TAOK3: variants seen among roughly 807,000 people sequenced by gnomAD.
The protein encoded by TAOK3 is TAO kinase 3, also known as serine/threonine-protein kinase TAO3.
TAOK3 carries 40 observed loss-of-function variants against 120.4 expected under a neutral mutation model. The observed-to-expected ratio is 0.33, with a 90% CI of 0.26 to 0.43. The LOEUF (loss-of-function observed/expected upper bound fraction) is 0.43, where lower values mean the gene tolerates loss of function less well. Ranked by LOEUF, TAOK3 falls within the 20% of genes least tolerant of loss-of-function variation. The pLI, the probability that TAOK3 is intolerant of heterozygous loss-of-function variation, is 1.00. For synonymous variants in TAOK3, 355 were observed against 387.5 expected (o/e 0.92, Z 0.99); for missense variants, 821 against 1,112.1 (o/e 0.74, Z 3.72).
At chr12:118,305,642 C>T (rs1048726056) in intron 1 of TAOK3, among the ~76,000 whole-genome samples, 4 of 152,036 alleles carry the variant, frequency 2.6e-5, no homozygotes, top group Non-Finnish European at 4.4e-5. Flanking sequence ...TGGTGGCTCA[C>T]GCCTGTAATC....
intron 5 of TAOK3, among the ~76,000 whole-genome samples, chr12:118,240,847 GTTCCT>G (rs1231119236): frequency 6.6e-6 from 1 of 151,678 alleles, no homozygotes; most frequent in South Asian, 2.1e-4. Context: ...CAACATATTA[GTTCCT>G]TTCATTAAAA....
chr12:118,254,851 T>C (rs2040912666), intron 3 of TAOK3, among the ~76,000 whole-genome samples: 1 of 152,040 alleles, frequency 6.6e-6, no homozygotes, highest in South Asian at 2.1e-4. Flanking sequence ...TCCACCTCCC[T>C]GGTTCATGCC....
chr12:118,201,916 T>G (rs1447148668), intron 11 of TAOK3, among the ~76,000 whole-genome samples: 1 of 152,142 alleles, frequency 6.6e-6, no homozygotes, highest in Non-Finnish European at 1.5e-5. Flanking sequence ...CTACACTTAT[T>G]TATCCCACAT....
chr12:118,277,286 G>T (rs2041936150), intron 1 of TAOK3, among the ~76,000 whole-genome samples: 1 of 152,108 alleles, frequency 6.6e-6, no homozygotes, highest in Non-Finnish European at 1.5e-5. Flanking sequence ...GCCTTCACAA[G>T]ATGTGAGTTT....
At chr12:118,152,534 C>T (rs756379616) in intron 19 of TAOK3, 125 bp from the exon 20 acceptor site, 38 of 873,624 alleles carry the variant, frequency 4.3e-5, no homozygotes, top group Admixed American at 1.8e-4. Flanking sequence ...CCCTCAAAAA[C>T]ACAGATGCTC....
chr12:118,318,584 T>C (rs1310055987), intron 1 of TAOK3, among the ~76,000 whole-genome samples: 1 of 152,000 alleles, frequency 6.6e-6, no homozygotes, highest in Non-Finnish European at 1.5e-5. Flanking sequence ...AAAGACTGAG[T>C]GTTGGTGAGC....
At chr12:118,370,602 T>C (rs909060786) in intron 1 of TAOK3, among the ~76,000 whole-genome samples, 1 of 152,208 alleles carries the variant, frequency 6.6e-6, no homozygotes, top group African/African-American at 2.4e-5. Flanking sequence ...ATACAACCTA[T>C]AAACATTGAA....
chr12:118,256,247 G>A (rs2040983209), intron 2 of TAOK3, among the ~76,000 whole-genome samples: 1 of 152,152 alleles, frequency 6.6e-6, no homozygotes, highest in Non-Finnish European at 1.5e-5. Flanking sequence ...CTAGGATAGT[G>A]ATAGTCAAAA....
intron 14 of TAOK3, among the ~76,000 whole-genome samples, chr12:118,184,879 T>A (rs1449370445): frequency 6.6e-6 from 1 of 152,206 alleles, no homozygotes; most frequent in East Asian, 1.9e-4. Context: ...AGTTTCTTAA[T>A]GTGTAAAGAG....
intron 1 of TAOK3, among the ~76,000 whole-genome samples, chr12:118,320,189 G>A (rs2043643077): frequency 6.6e-6 from 1 of 152,156 alleles, no homozygotes; most frequent in Non-Finnish European, 1.5e-5. Context: ...TAGGCAGAGA[G>A]GGGGAAATGG....
chr12:118,279,023 T>C (rs2140393768), intron 1 of TAOK3, among the ~76,000 whole-genome samples: 1 of 152,226 alleles, frequency 6.6e-6, no homozygotes, highest in Admixed American at 6.5e-5. Context: ...GCCAGGTTGG[T>C]TTCGAACTCC....
intron 17 of TAOK3, 115 bp from the exon 18 acceptor site, chr12:118,162,142 A>G (rs2138411064): frequency 7.6e-7 from 1 of 1,311,522 alleles, no homozygotes; most frequent in Non-Finnish European, 1.1e-6. Context: ...TCTTAATTAA[A>G]CCCATTAGTG....
At chr12:118,365,899 C>T (rs966411794) in intron 1 of TAOK3, among the ~76,000 whole-genome samples, 5 of 152,178 alleles carry the variant, frequency 3.3e-5, no homozygotes, top group Admixed American at 2.6e-4. Flanking sequence ...TGTATGTATA[C>T]GGTTTGAAAG....
At chr12:118,311,018 A>G (rs2043240704) in intron 1 of TAOK3, among the ~76,000 whole-genome samples, 1 of 150,812 alleles carries the variant, frequency 6.6e-6, no homozygotes, top group Admixed American at 6.6e-5. Context: ...AGATTCTATG[A>G]CCCTACAGTG....
At chr12:118,262,211 C>T (rs781495166) in intron 2 of TAOK3, among the ~76,000 whole-genome samples, 3 of 150,258 alleles carry the variant, frequency 2.0e-5, no homozygotes, top group East Asian at 4.2e-4. Flanking sequence ...AGGCCAGGCA[C>T]GGTGGCTCAT....
At position 118,172,568 on chromosome 12, in the gene TAOK3, C is replaced by T; in HGVS notation, c.1788G>A (p.Glu596=). 6.2e-7 allele frequency: 1 copy of T among 1,614,176 alleles called. No homozygotes were observed. ...KENLQHTQAE[E]EAHLLTQQRL... ...TCTGTTGAGTGAGAAGGTGGGCTTC[C>T]TCTTCAGCCTGTGTGTGCTGCAAGT... Residue 596 remains glutamate (E), a synonymous_variant, in exon 17 of 21, where the codon GAG becomes GAA. Coordinates refer to ENST00000392533, the MANE Select transcript of TAOK3 (RefSeq NM_016281.4).
intron 16 of TAOK3, among the ~76,000 whole-genome samples, chr12:118,176,693 A>AAAT (rs2036354902): frequency 6.6e-6 from 1 of 152,122 alleles, no homozygotes; most frequent in Non-Finnish European, 1.5e-5. Context: ...GTCAGATAAA[A>AAAT]AAATAAATAA....
chr12:118,218,466 A>G (rs1214701086), intron 9 of TAOK3, among the ~76,000 whole-genome samples: 3 of 152,082 alleles, frequency 2.0e-5, no homozygotes, highest in African/African-American at 7.2e-5. Flanking sequence ...ACCTGCACAC[A>G]TCCTTCTGTC....
intron 3 of TAOK3, among the ~76,000 whole-genome samples, chr12:118,247,175 A>G (rs1263189252): frequency 2.6e-5 from 4 of 152,200 alleles, no homozygotes; most frequent in African/African-American, 9.6e-5. Flanking sequence ...TTTAAATTTT[A>G]ATAGTTAACG....
Sources: allele counts gnomAD v4.1 joint callset (sites outside exome capture counted in the v4.1 genomes callset), GRCh38; gene constraint gnomAD v4.1.1; transcripts MANE v1.5; gene names NCBI Gene and HGNC (gene_info 2026-07-23, HGNC 2026-07-21).